The following TBC1D15 variants were observed in gnomAD, a reference collection of about 807,000 sequenced individuals.
The protein encoded by TBC1D15 is GAP for RAB7.
A neutral mutation model predicts 95.4 loss-of-function variants in TBC1D15; 39 were observed. The observed-to-expected ratio is 0.41, with a 90% CI of 0.32 to 0.53. The LOEUF is 0.53. TBC1D15 is among the 20% of genes least tolerant of loss of function. The pLI, the probability that TBC1D15 is intolerant of heterozygous loss-of-function variation, is 0.29. For missense variants in TBC1D15, 733 were observed against 794.3 expected, an observed-to-expected ratio of 0.92 and a Z score of 0.93; for synonymous variants, 258 against 261.3, an observed-to-expected ratio of 0.99 and a Z score of 0.12.
chr12:71,861,579 C>T, intron 1 of TBC1D15: 1 of 1,269,338 alleles, frequency 7.9e-7, no homozygotes, highest in South Asian at 1.7e-5. Context: ...TTATTTGGGT[C>T]TTTTCACTTT....
chr12:71,866,466 AG>A (rs1383358494), intron 1 of TBC1D15, among the ~76,000 whole-genome samples: 1 of 152,180 alleles, frequency 6.6e-6, no homozygotes, highest in Non-Finnish European at 1.5e-5. Flanking sequence ...TTTAGGAAGA[AG>A]TTCCTCCTGG....
chr12:71,873,108 A>G (rs766811516), intron 3 of TBC1D15, 105 bp downstream of exon 3: 11 of 739,674 alleles, frequency 1.5e-5, no homozygotes, highest in Non-Finnish European at 2.4e-5. Context: ...TAAAGCATAC[A>G]ATTCAGTGGT....
intron 1 of TBC1D15, among the ~76,000 whole-genome samples, chr12:71,860,510 T>C (rs147765087): frequency 3.3e-4 from 50 of 152,360 alleles, no homozygotes; most frequent in African/African-American, 8.7e-4. Context: ...GTAGCTATTA[T>C]AAATGGAATT....
At chr12:71,881,939 A>AG (rs1327820779) in intron 4 of TBC1D15, among the ~76,000 whole-genome samples, 2 of 148,416 alleles carry the variant, frequency 1.3e-5, no homozygotes, top group African/African-American at 2.5e-5. Flanking sequence ...AAAAAAAAAA[A>AG]GTTAAGGAGG....
At position 71,894,361 on chromosome 12, in the gene TBC1D15, A is replaced by G. The variant is rs1335871394; in HGVS notation, c.658-325A>G. On this transcript the variant is annotated intron_variant, in intron 6 of 16. Coordinates refer to ENST00000485960, the MANE Select transcript of TBC1D15 (RefSeq NM_001146213.3). ...AGACAGAAGAAAGCTGTTGTGGGCC[A>G]TTCACCACTGGAAAGTAAGCACTGC... is the stretch of plus-strand genomic sequence containing the variant. 3 of 1,612,988 alleles carry G rather than the reference A, an allele frequency of 1.9e-6. No individual in the cohort carries two copies. The East Asian group carries it at 6.7e-5, about 36-fold the overall frequency.
intron 3 of TBC1D15, among the ~76,000 whole-genome samples, chr12:71,874,640 T>G (rs1217347009): frequency 6.7e-6 from 1 of 149,846 alleles, no homozygotes; most frequent in Non-Finnish European, 1.5e-5. Flanking sequence ...TTTTTTTTTT[T>G]GAGACGGAGT....
At chr12:71,876,933 C>A (rs1208199157) in intron 3 of TBC1D15, among the ~76,000 whole-genome samples, 1 of 151,894 alleles carries the variant, frequency 6.6e-6, no homozygotes, top group East Asian at 1.9e-4. Context: ...GCCTCAGCCT[C>A]CGGAGTAGCT....
At chr12:71,853,449 C>T (rs1028740266) in intron 1 of TBC1D15, among the ~76,000 whole-genome samples, 2 of 152,230 alleles carry the variant, frequency 1.3e-5, no homozygotes, top group East Asian at 1.9e-4. Flanking sequence ...GCGTGAGCCA[C>T]TGCACCTGGC....
At chr12:71,850,292 G>T in intron 1 of TBC1D15, 1 of 482,230 alleles carries the variant, frequency 2.1e-6, no homozygotes, top group Non-Finnish European at 4.0e-6. Context: ...TAAATACTGG[G>T]GCTATACTGG....
At chr12:71,849,600 G>C in intron 1 of TBC1D15, 1 of 621,780 alleles carries the variant, frequency 1.6e-6, no homozygotes, top group Non-Finnish European at 3.0e-6. Context: ...TGAATCATCA[G>C]TCAGTACCGT....
chr12:71,853,558 T>C (rs1391615544), intron 1 of TBC1D15, among the ~76,000 whole-genome samples: 1 of 152,240 alleles, frequency 6.6e-6, no homozygotes, highest in Non-Finnish European at 1.5e-5. Flanking sequence ...TCAATTGTAA[T>C]TGATTACTTT....
chr12:71,840,710 T>C (rs768836417), intron 1 of TBC1D15, among the ~76,000 whole-genome samples: 25 of 152,364 alleles, frequency 1.6e-4, no homozygotes, highest in Non-Finnish European at 2.8e-4. Flanking sequence ...GATAGCGTCC[T>C]CTGTTCCTTG....
chr12:71,878,577 G>A (rs998238739), intron 3 of TBC1D15, among the ~76,000 whole-genome samples: 1 of 151,028 alleles, frequency 6.6e-6, no homozygotes, highest in African/African-American at 2.4e-5. Context: ...GTGCAGTGGT[G>A]CGATTTCGGC....
chr12:71,919,695 T>C (rs947324408), intron 14 of TBC1D15, among the ~76,000 whole-genome samples: 2 of 152,066 alleles, frequency 1.3e-5, no homozygotes. Flanking sequence ...AATTTGGGGG[T>C]TAAAAATGGG....
intron 1 of TBC1D15, among the ~76,000 whole-genome samples, chr12:71,853,488 AT>A (rs1888334454): frequency 1.3e-5 from 2 of 152,202 alleles, no homozygotes; most frequent in South Asian, 4.1e-4. Context: ...TCTTGAACAT[AT>A]GGGATAGACT....
chr12:71,904,770 G>A (rs572861368), intron 10 of TBC1D15, among the ~76,000 whole-genome samples: 9 of 152,198 alleles, frequency 5.9e-5, no homozygotes, highest in African/African-American at 1.4e-4. Flanking sequence ...CTCAGAAATA[G>A]GAAGCAGAGT....
At chr12:71,875,601 A>G (rs1352740490) in intron 3 of TBC1D15, among the ~76,000 whole-genome samples, 2 of 152,034 alleles carry the variant, frequency 1.3e-5, no homozygotes, top group East Asian at 3.9e-4. Context: ...TCACCTGAGT[A>G]ATGTACATTA....
At chr12:71,882,824 G>C (rs999695537) in intron 4 of TBC1D15, among the ~76,000 whole-genome samples, 1 of 152,118 alleles carries the variant, frequency 6.6e-6, no homozygotes, top group African/African-American at 2.4e-5. Flanking sequence ...TATTCTAGTG[G>C]AGGGCCTAGA....
At chr12:71,905,678 ATTAC>A (rs1361211445) in intron 10 of TBC1D15, among the ~76,000 whole-genome samples, 2 of 152,012 alleles carry the variant, frequency 1.3e-5, no homozygotes, top group Non-Finnish European at 1.5e-5. Flanking sequence ...GTTTTTTGGT[ATTAC>A]TTTTGCTTAT....
Sources: allele counts gnomAD v4.1 joint callset (sites outside exome capture counted in the v4.1 genomes callset), GRCh38; gene constraint gnomAD v4.1.1; transcripts MANE v1.5; gene names NCBI Gene and HGNC (gene_info 2026-07-23, HGNC 2026-07-21).